Variants in TTC29 observed in about 807,000 individuals in gnomAD.
The protein encoded by TTC29 is tetratricopeptide repeat protein 29.
In TTC29, 49 loss-of-function variants were observed where a neutral mutation model predicts 58.1. The ratio of observed to expected loss-of-function variants is 0.84; its 90% CI spans 0.67 to 1.07. The LOEUF (loss-of-function observed/expected upper bound fraction) is 1.07, where lower values mean the gene tolerates loss of function less well. Ranked by LOEUF, TTC29 falls within the 50% of genes least tolerant of loss-of-function variation. The pLI is 0.00. For missense variants in TTC29, 582 were observed against 555.6 expected (o/e 1.05, Z -0.48); for synonymous variants, 209 against 196.8 (o/e 1.06, Z -0.52).
intron 6 of TTC29, among the ~76,000 whole-genome samples, chr4:146,884,550 T>C (rs1009558721): frequency 6.6e-6 from 1 of 152,138 alleles, no homozygotes; most frequent in African/African-American, 2.4e-5. Context: ...GTGTTTGCTC[T>C]TCCAGGGAAT....
intron 11 of TTC29, among the ~76,000 whole-genome samples, chr4:146,784,212 C>CT (rs925783529): frequency 5.9e-5 from 9 of 151,716 alleles, no homozygotes; most frequent in Non-Finnish European, 1.3e-4. Flanking sequence ...TATAGTATCC[C>CT]TTTTTTAACA....
At chr4:146,753,960 CG>C (rs1317557981) in intron 11 of TTC29, among the ~76,000 whole-genome samples, 1 of 151,646 alleles carries the variant, frequency 6.6e-6, no homozygotes, top group Non-Finnish European at 1.5e-5. Context: ...TGCTAAATGA[CG>C]AGTTAATGGG....
intron 11 of TTC29, among the ~76,000 whole-genome samples, chr4:146,727,000 C>G (rs1295530519): frequency 6.6e-6 from 1 of 151,792 alleles, no homozygotes; most frequent in Non-Finnish European, 1.5e-5. Flanking sequence ...TTCCTTTCCT[C>G]TAGAGGCAAC....
At chr4:146,912,789 C>G (rs1282300863) in intron 4 of TTC29, among the ~76,000 whole-genome samples, 1 of 151,922 alleles carries the variant, frequency 6.6e-6, no homozygotes, top group Non-Finnish European at 1.5e-5. Flanking sequence ...AGGAGAGGTG[C>G]TGGGGGTGGA....
intron 11 of TTC29, among the ~76,000 whole-genome samples, chr4:146,719,369 T>G (rs1036426471): frequency 3.3e-5 from 5 of 152,182 alleles, no homozygotes; most frequent in African/African-American, 1.2e-4. Flanking sequence ...ATTAACTTGC[T>G]GAATCTCACA....
At chr4:146,918,507 G>T (rs1319981888) in intron 4 of TTC29, among the ~76,000 whole-genome samples, 2 of 151,118 alleles carry the variant, frequency 1.3e-5, no homozygotes, top group Admixed American at 1.3e-4. Flanking sequence ...TGATAGAACT[G>T]ATGTTTTGCA....
chr4:146,849,319 A>G (rs1729368677), intron 8 of TTC29, among the ~76,000 whole-genome samples: 1 of 152,142 alleles, frequency 6.6e-6, no homozygotes, highest in Admixed American at 6.5e-5. Context: ...GGTGAAGGAG[A>G]AAGGATTTGA....
intron 11 of TTC29, among the ~76,000 whole-genome samples, chr4:146,790,179 C>T (rs1749327427): frequency 6.6e-6 from 1 of 151,722 alleles, no homozygotes; most frequent in African/African-American, 2.4e-5. Context: ...AACCCAATCA[C>T]TTTCTTTTTT....
rs1424508594 is a variant in TTC29, at chr4:146,939,879, G to A, written c.17C>T (p.Pro6Leu). The A allele has an allele frequency of 1.2e-6, 2 of 1,612,914 alleles. No individual in the cohort carries two copies. Among genetic ancestry groups the A allele is most frequent in the African/African-American group, 1.3e-5 (1 of 74,942 alleles). Residue 6 changes from proline to leucine, a missense_variant, in exon 3 of 13, where the codon CCA (proline) becomes CTA (leucine). Transcript: ENST00000325106. MTTLP[P>L]LPMTRPKLTA... is the part of the protein sequence containing the mutation. ...AAGCTTCGGGCGTGTCATGGGCAGT[G>A]GGGGCAGGGTGGTCATTTCGGACTA...
At chr4:146,738,002 A>G (rs2150030148) in intron 11 of TTC29, among the ~76,000 whole-genome samples, 1 of 152,194 alleles carries the variant, frequency 6.6e-6, no homozygotes, top group East Asian at 1.9e-4. Context: ...CACCTGGCAA[A>G]ATTGGGGTTA....
chr4:146,845,363 T>A (rs1158014793), intron 8 of TTC29, among the ~76,000 whole-genome samples: 1 of 152,146 alleles, frequency 6.6e-6, no homozygotes, highest in East Asian at 1.9e-4. Context: ...ATTAGTGACA[T>A]CCTTGTCAGA....
At chr4:146,808,255 T>C (rs1750757832) in intron 10 of TTC29, among the ~76,000 whole-genome samples, 1 of 152,178 alleles carries the variant, frequency 6.6e-6, no homozygotes, top group Non-Finnish European at 1.5e-5. Context: ...TAATAAGAGC[T>C]ATTTATGACA....
At chr4:146,786,814 A>AATAT (rs1491190862) in intron 11 of TTC29, among the ~76,000 whole-genome samples, 1 of 152,118 alleles carries the variant, frequency 6.6e-6, no homozygotes, top group African/African-American at 2.4e-5. Flanking sequence ...TAACCTTTAT[A>AATAT]AAAGTCACTG....
At position 146,707,547 on chromosome 4, in the gene TTC29, C is replaced by T. The variant is rs772949092; in HGVS notation, c.1335G>A (p.Glu445=). 3.4e-5 allele frequency: 54 copies of T among 1,598,732 alleles called. No individual in the cohort carries two copies. The highest frequency in any genetic ancestry group is 8.9e-5 in the South Asian group (8 of 90,180). ...GNIEPDPVTE[E]FRGSTVEAVS... ...CAGCTTCCACTGTGGATCCTCTAAA[C>T]TCTTCTAAAAAAAAAATACACAAAG... The change falls in exon 12 of 13, where the codon GAG becomes GAA. Residue 445 remains glutamate (E), a synonymous_variant. Coordinates refer to ENST00000325106, the MANE Select transcript of TTC29 (RefSeq NM_031956.4).
At chr4:146,885,361 C>G (rs1420905405) in intron 6 of TTC29, among the ~76,000 whole-genome samples, 3 of 152,004 alleles carry the variant, frequency 2.0e-5, no homozygotes, top group African/African-American at 7.2e-5. Flanking sequence ...GCTGACAACA[C>G]CATTAATCAC....
intron 9 of TTC29, chr4:146,831,664 A>G (rs1470606988): frequency 7.0e-6 from 3 of 425,572 alleles, no homozygotes; most frequent in Non-Finnish European, 9.5e-6. Context: ...AATTCACCAG[A>G]TAATTGTTCA....
chr4:146,849,754 C>CTTTT (rs1729399569), intron 8 of TTC29, among the ~76,000 whole-genome samples: 2 of 152,126 alleles, frequency 1.3e-5, no homozygotes. Context: ...TCCCCTTTTG[C>CTTTT]TTTTCTCCAG....
At chr4:146,724,526 T>C (rs2150009664) in intron 11 of TTC29, among the ~76,000 whole-genome samples, 1 of 144,562 alleles carries the variant, frequency 6.9e-6, no homozygotes, top group East Asian at 1.9e-4. Context: ...TTCAACTTCT[T>C]TTTTTTTTAT....
At chr4:146,838,690 C>A (rs754455171) in intron 8 of TTC29, among the ~76,000 whole-genome samples, 3 of 151,840 alleles carry the variant, frequency 2.0e-5, no homozygotes, top group African/African-American at 7.3e-5. Context: ...CTACTTAATG[C>A]GAATTTTTTT....
Sources: gnomAD v4.1 joint callset for allele counts (sites outside exome capture counted in the v4.1 genomes callset) on GRCh38, gnomAD v4.1.1 for gene constraint, MANE v1.5 for transcripts, NCBI Gene and HGNC (gene_info 2026-07-23, HGNC 2026-07-21) for gene names.